The following C16orf96 variants were observed in gnomAD, a reference collection of about 807,000 sequenced individuals.
C16orf96 encodes the protein uncharacterized protein C16orf96.
Under a neutral mutation model 103.6 loss-of-function variants are expected in C16orf96, and 108 were observed. The ratio of observed to expected loss-of-function variants is 1.04; its 90% CI spans 0.89 to 1.22. The LOEUF (loss-of-function observed/expected upper bound fraction) is 1.22. C16orf96 is among the 50% of genes most tolerant of loss of function. C16orf96 has a pLI of 0.00. For missense variants in C16orf96, 1,586 were observed against 1,464.2 expected (o/e 1.08, Z -1.36); for synonymous variants, 566 against 593.5 (o/e 0.95, Z 0.67).
rs1250223001 is a variant in C16orf96 at position 4,575,364 on chromosome 16, C to A, written c.884C>A (p.Ala295Asp). 1 of 1,551,160 alleles carries A rather than the reference C, an allele frequency of 6.4e-7. No homozygotes were observed. Among genetic ancestry groups the A allele is most frequent in the East Asian group, 2.4e-5 (1 of 40,924 alleles). ...VPELLPEGSS[A>D]QAVSLSRAQE... ...GAGCTCCTCCCGGAGGGCTCATCTG[C>A]CCAAGCAGTTTCACTCAGCAGAGCC... Residue 295 changes from alanine to aspartate, a missense_variant, in exon 5 of 16, where the codon GCC (alanine) becomes GAC (aspartate). Ala to Asp is a moderately radical substitution (Grantham distance 126). Transcript: ENST00000444310.
upstream of C16orf96, among the ~76,000 whole-genome samples, chr16:4,555,269 T>TACACACAC (rs71139639): frequency 2.7e-4 from 39 of 145,686 alleles, no homozygotes; most frequent in African/African-American, 9.2e-4. Flanking sequence ...TCACACACAC[T>TACACACAC]ACACACACAC....
the C16orf96 span, among the ~76,000 whole-genome samples, chr16:4,549,509 G>C: frequency 6.7e-6 from 1 of 149,270 alleles, no homozygotes; most frequent in Non-Finnish European, 1.5e-5. Context: ...CAGAATACCA[G>C]CTGGGCACAG....
chr16:4,574,959 C>T lies in C16orf96; in HGVS notation c.607-13C>T, dbSNP rs1280969005. On this transcript the variant is annotated splice_polypyrimidine_tract_variant and intron_variant, in intron 3 of 15. Transcript: ENST00000444310. Reference sequence around the variant, plus strand: ...CAGGCTCACAGCCCTCATTTTCTACCCCCACCTTGCAGGCTTCTCTCCAGA... The same window carrying T: ...CAGGCTCACAGCCCTCATTTTCTACTCCCACCTTGCAGGCTTCTCTCCAGA... 6.4e-7 allele frequency: 1 copy of T among 1,550,828 alleles called. No individual in the cohort carries two copies. The highest frequency in any genetic ancestry group is 1.2e-5 in the South Asian group (1 of 84,042).
At position 4,575,885 on chromosome 16, in the gene C16orf96, C is replaced by T. The variant is rs1014278746; in HGVS notation, c.1405C>T (p.Leu469Phe). The T allele has an allele frequency of 1.3e-6, 2 of 1,551,440 alleles. No homozygotes were observed. The highest frequency in any genetic ancestry group is 2.7e-5 in the African/African-American group (2 of 73,048). Residue 469 changes from leucine (L) to phenylalanine (F), a missense_variant, in exon 5 of 16, where the codon CTT (leucine) becomes TTT (phenylalanine). Coordinates refer to ENST00000444310, the MANE Select transcript of C16orf96 (RefSeq NM_001145011.2). ...EENDVPSLRG[L>F]RERARKDGAP... ...AAATGATGTCCCCAGCCTAAGGGGC[C>T]TTCGGGAGAGGGCCCGCAAGGATGG...
chr16:4,541,243 T>G, the C16orf96 span, among the ~76,000 whole-genome samples: 3 of 152,236 alleles, frequency 2.0e-5, no homozygotes, highest in African/African-American at 7.2e-5. Context: ...TTTAAAGCCC[T>G]TGAAGAGTTT....
Position 4,575,365 on chromosome 16 carries a change from C to T in C16orf96, c.885C>T (p.Ala295=). 1 of 1,551,174 alleles carries T rather than the reference C, an allele frequency of 6.4e-7. No homozygotes were observed. The highest frequency in any genetic ancestry group is 8.7e-7 in the Non-Finnish European group (1 of 1,146,992). The change falls in exon 5 of 16, where the codon GCC becomes GCT. Residue 295 remains alanine, a synonymous_variant. Coordinates refer to ENST00000444310, the MANE Select transcript of C16orf96 (RefSeq NM_001145011.2). ...VPELLPEGSS[A]QAVSLSRAQE... is the part of the protein sequence containing the mutation. ...AGCTCCTCCCGGAGGGCTCATCTGC[C>T]CAAGCAGTTTCACTCAGCAGAGCCC... is the stretch of plus-strand genomic sequence containing the variant.
At chr16:4,558,223 G>A (rs1051419229) in intron 1 of C16orf96, among the ~76,000 whole-genome samples, 13 of 152,230 alleles carry the variant, frequency 8.5e-5, no homozygotes, top group African/African-American at 1.2e-4. Flanking sequence ...GCGCTGAGGC[G>A]TGGCCTCTGA....
intron 5 of C16orf96, 80 bp downstream of exon 5, chr16:4,576,715 C>T (rs2059514961): frequency 7.6e-7 from 1 of 1,318,972 alleles, no homozygotes; most frequent in South Asian, 1.5e-5. Flanking sequence ...TCCTGTCCTT[C>T]ACTGGGCTCC....
upstream of C16orf96, among the ~76,000 whole-genome samples, chr16:4,553,216 A>T (rs2059238446): frequency 6.6e-6 from 1 of 152,208 alleles, no homozygotes; most frequent in Non-Finnish European, 1.5e-5. Context: ...TGACCTCTGC[A>T]GAAGCATCTG....
At chr16:4,560,743 T>G (rs969348859) in intron 1 of C16orf96, 1 of 151,486 alleles carries the variant, frequency 6.6e-6, no homozygotes, top group Non-Finnish European at 1.5e-5. Context: ...AGCCCAGGAG[T>G]TGGTGATTGC....
In C16orf96 at chr16:4,576,342, C is replaced by T; in HGVS notation, c.1862C>T (p.Ala621Val). 1.3e-6 allele frequency: 2 copies of T among 1,550,800 alleles called. No individual in the cohort carries two copies. Among genetic ancestry groups the T allele is most frequent in the Non-Finnish European group, 1.7e-6 (2 of 1,146,992 alleles). ...TAAAGPLGVFADVLGAGPSRG... is the reference protein window; with the variant it reads ...TAAAGPLGVFVDVLGAGPSRG... ...GCAGCTGGGCCCCTAGGGGTCTTTG[C>T]AGATGTCCTGGGTGCAGGGCCTTCC... The change falls in exon 5 of 16, where the codon GCA (alanine) becomes GTA (valine). Residue 621 changes from alanine (A) to valine (V), a missense_variant. Physicochemically the swap from Ala to Val is moderately conservative, Grantham distance 64. Coordinates refer to ENST00000444310, the MANE Select transcript of C16orf96 (RefSeq NM_001145011.2).
intron 1 of C16orf96, chr16:4,561,324 A>T (rs1177297513): frequency 6.6e-6 from 1 of 152,218 alleles, no homozygotes; most frequent in Non-Finnish European, 1.5e-5. Context: ...ATTAAAAAAT[A>T]ACAAAAGATA....
At chr16:4,547,318 G>A in the C16orf96 span, among the ~76,000 whole-genome samples, 1 of 152,148 alleles carries the variant, frequency 6.6e-6, no homozygotes, top group Non-Finnish European at 1.5e-5. Context: ...TGTATTTATG[G>A]TAGAGATGGG....
intron 7 of C16orf96, among the ~76,000 whole-genome samples, chr16:4,580,656 G>C (rs1415831853): frequency 6.6e-6 from 1 of 151,802 alleles, no homozygotes; most frequent in Non-Finnish European, 1.5e-5. Context: ...AGACAAGCCA[G>C]GGTAACACAG....
Position 4,580,055 on chromosome 16 carries a change from T to G in C16orf96, c.2282T>G (p.Met761Arg). 1 of 1,550,888 alleles carries G rather than the reference T, an allele frequency of 6.4e-7. No individual in the cohort carries two copies. The highest frequency in any genetic ancestry group is 8.7e-7 in the Non-Finnish European group (1 of 1,146,630). The change falls in exon 7 of 16, where the codon ATG becomes AGG. Residue 761 changes from methionine to arginine, a missense_variant. Met to Arg is a moderately conservative substitution (Grantham distance 91). Coordinates refer to ENST00000444310, the MANE Select transcript of C16orf96 (RefSeq NM_001145011.2). Reference sequence around the variant, plus strand: ...AGAATTTGGGGCAACCAAATAGAGATGATGAAGGATCGCTACATCACTTTG... The same window carrying G: ...AGAATTTGGGGCAACCAAATAGAGAGGATGAAGGATCGCTACATCACTTTG... ...LERIWGNQIEMMKDRYITLDK... is the reference protein window; with the variant it reads ...LERIWGNQIERMKDRYITLDK...
At chr16:4,541,098 G>T in the C16orf96 span, among the ~76,000 whole-genome samples, 1 of 151,944 alleles carries the variant, frequency 6.6e-6, no homozygotes, top group African/African-American at 2.4e-5. Flanking sequence ...ATTTTTAGTA[G>T]AGACTGAGTT....
the C16orf96 span, among the ~76,000 whole-genome samples, chr16:4,547,665 C>A: frequency 1.2e-5 from 1 of 84,594 alleles, no homozygotes; most frequent in African/African-American, 4.5e-5. Context: ...TCCTTCCTTC[C>A]TTCCTTGCTT....
intron 1 of C16orf96, 93 bp from the exon 2 acceptor site, chr16:4,571,468 T>C (rs2059437331): frequency 4.4e-6 from 5 of 1,125,612 alleles, no homozygotes; most frequent in South Asian, 1.5e-5. Context: ...AGAGGACCTC[T>C]TGAACAACGG....
rs1398440460 is a variant in C16orf96 at position 4,594,325 on chromosome 16, G to A, written c.2868-26G>A. On this transcript the variant is annotated intron_variant, in intron 12 of 15. Coordinates refer to ENST00000444310, the MANE Select transcript of C16orf96 (RefSeq NM_001145011.2). ...CTCTGGGGTACAGGGTCTCCAGGTC[G>A]CTGCTGACCCACTGCCCTGCTGCAG... 10 of 1,547,054 alleles carry A rather than the reference G, an allele frequency of 6.5e-6. No individual in the cohort carries two copies. The East Asian group carries it at 9.8e-5, about 15-fold the overall frequency.
Sources: allele counts gnomAD v4.1 joint callset (sites outside exome capture counted in the v4.1 genomes callset), GRCh38; gene constraint gnomAD v4.1.1; transcripts MANE v1.5; gene names NCBI Gene and HGNC (gene_info 2026-07-23, HGNC 2026-07-21).